CCNC: variants seen among roughly 807,000 people sequenced by gnomAD.
CCNC encodes the protein cyclin C.
A neutral mutation model predicts 50.0 loss-of-function variants in CCNC; 19 were observed. That is an observed-to-expected ratio of 0.38 (90% CI 0.27 to 0.56). The LOEUF is 0.56. Ranked by LOEUF, CCNC falls within the 20% of genes least tolerant of loss-of-function variation. The probability of loss-of-function intolerance (pLI) is 0.72; values close to 1 mark genes in which losing one functional copy is unlikely to be tolerated. For missense variants in CCNC, 200 were observed against 327.1 expected (o/e 0.61, Z 3.00); for synonymous variants, 93 against 103.7 (o/e 0.90, Z 0.63).
At chr6:99,568,748 C>T (rs1769273047), upstream of CCNC, 1 of 1,385,110 alleles carries the variant, frequency 7.2e-7, no homozygotes, top group African/African-American at 1.5e-5. Context: ...GACAAAAGTT[C>T]CGGCCCGCGG....
At chr6:99,556,785 G>A (rs1802529095) in intron 5 of CCNC, among the ~76,000 whole-genome samples, 1 of 152,204 alleles carries the variant, frequency 6.6e-6, no homozygotes, top group African/African-American at 2.4e-5. Flanking sequence ...GCCCGGCGTG[G>A]TGGCACACAC....
chr6:99,567,410 C>T (rs576985624), intron 1 of CCNC, among the ~76,000 whole-genome samples: 1 of 113,338 alleles, frequency 8.8e-6, no homozygotes, highest in African/African-American at 3.3e-5. Flanking sequence ...TATATACATA[C>T]ACACACACAC....
chr6:99,544,125 G>C lies in CCNC; in HGVS notation c.798-516C>G, dbSNP rs1801981081. 2.1e-6 allele frequency: 3 copies of C among 1,456,558 alleles called. No homozygotes were observed. In the Admixed American group the frequency reaches 7.1e-5, roughly 35 times the overall value. The allele number at this position is 1,456,558 out of a possible 1,614,324, so 90.2% of individuals were successfully genotyped here. A position where few individuals can be genotyped will look rare whatever the true frequency, so the allele number is the denominator to read the frequency against. ...ATATGGTAATTTCCTGGAAAATGCTGAATACTTAAAATAAAAATGCTGAAT... is the reference window on the plus strand; with the variant it reads ...ATATGGTAATTTCCTGGAAAATGCTCAATACTTAAAATAAAAATGCTGAAT... On this transcript the variant is annotated intron_variant, in intron 11 of 11. Coordinates refer to ENST00000520429, the MANE Select transcript of CCNC (RefSeq NM_005190.4).
At chr6:99,555,530 T>C (rs1472742109) in intron 5 of CCNC, among the ~76,000 whole-genome samples, 1 of 149,762 alleles carries the variant, frequency 6.7e-6, no homozygotes, top group Non-Finnish European at 1.5e-5. Context: ...CTTGAACTCC[T>C]GGGCTTAGGC....
intron 4 of CCNC, among the ~76,000 whole-genome samples, chr6:99,560,211 G>C (rs1016021015): frequency 1.3e-5 from 2 of 152,038 alleles, no homozygotes; most frequent in East Asian, 3.9e-4. Context: ...GTGCTTAAGA[G>C]ACTTTAAATT....
At chr6:99,568,752 C>T, upstream of CCNC, 1 of 1,380,944 alleles carries the variant, frequency 7.2e-7, no homozygotes, top group South Asian at 1.6e-5. Context: ...AAAGTTCCGG[C>T]CCGCGGTAGC....
At chr6:99,555,019 T>G (rs183926145) in intron 5 of CCNC, among the ~76,000 whole-genome samples, 2 of 152,352 alleles carry the variant, frequency 1.3e-5, no homozygotes, top group African/African-American at 4.8e-5. Flanking sequence ...AAATTCCCGC[T>G]CCAACAATGA....
chr6:99,544,014 CAAA>C (rs58452257), intron 11 of CCNC: 450,246 of 1,018,122 alleles, frequency 0.44, 66,558 homozygotes, highest in African/African-American at 0.78. Flanking sequence ...AAGTGTTCTT[CAAA>C]AAAAAAAAAA....
At chr6:99,547,487 A>C (rs906935945) in intron 9 of CCNC, among the ~76,000 whole-genome samples, 1 of 127,122 alleles carries the variant, frequency 7.9e-6, no homozygotes, top group African/African-American at 2.7e-5. Flanking sequence ...CAAGTCTTAC[A>C]AAAAAAAAAA....
At chr6:99,545,089 A>C in intron 11 of CCNC, 23 bp downstream of exon 11, 1 of 1,076,754 alleles carries the variant, frequency 9.3e-7, no homozygotes, top group Non-Finnish European at 1.4e-6. Flanking sequence ...AAATGACATC[A>C]ATAATTAAAG....
intron 10 of CCNC, among the ~76,000 whole-genome samples, 156 bp from the exon 11 acceptor site, chr6:99,545,386 GTTTAGGA>G (rs2128866952): frequency 6.6e-6 from 1 of 152,274 alleles, no homozygotes; most frequent in African/African-American, 2.4e-5. Flanking sequence ...CCACAGTGCT[GTTTAGGA>G]TTTTCCTTCT....
intron 5 of CCNC, 116 bp downstream of exon 5, chr6:99,558,381 A>G: frequency 6.8e-7 from 1 of 1,480,250 alleles, no homozygotes; most frequent in Non-Finnish European, 9.0e-7. Context: ...TCCTCAGGAA[A>G]TTTAATAAAG....
chr6:99,555,204 T>C (rs939451792), intron 5 of CCNC, among the ~76,000 whole-genome samples: 2 of 152,198 alleles, frequency 1.3e-5, no homozygotes, highest in Non-Finnish European at 2.9e-5. Context: ...CTTAATCATT[T>C]CCAAAGCTAC....
intron 4 of CCNC, among the ~76,000 whole-genome samples, chr6:99,559,626 A>T (rs1802686858): frequency 6.8e-6 from 1 of 147,232 alleles, no homozygotes; most frequent in Non-Finnish European, 1.5e-5. Context: ...AACTAGAGAA[A>T]ATACAGAAAG....
At chr6:99,544,512 C>T (rs540325172) in intron 11 of CCNC, among the ~76,000 whole-genome samples, 1 of 152,182 alleles carries the variant, frequency 6.6e-6, no homozygotes, top group South Asian at 2.1e-4. Context: ...GGGCTGAGAA[C>T]CACTGAACTA....
chr6:99,560,180 T>C (rs1802718642), intron 4 of CCNC, among the ~76,000 whole-genome samples: 1 of 152,242 alleles, frequency 6.6e-6, no homozygotes, highest in African/African-American at 2.4e-5. Flanking sequence ...AGATTTTTTG[T>C]CTTGGTCCTC....
At chr6:99,567,124 T>G in intron 1 of CCNC, 1 of 223,674 alleles carries the variant, frequency 4.5e-6, no homozygotes, top group Non-Finnish European at 9.1e-6. Flanking sequence ...AAAACATATT[T>G]TTAGAATGCT....
Position 99,549,574 on chromosome 6 carries a change from T to G in CCNC, c.532A>C (p.Arg178=), listed in dbSNP as rs147222511. ...QEDMLLPLAW[R]IVNDTYRTDL... Reference sequence around the variant, plus strand: ...GTTCTGTAGGTATCATTCACTATCCTCCTATAGAAATGTAAATCATATTAT... The same window carrying G: ...GTTCTGTAGGTATCATTCACTATCCGCCTATAGAAATGTAAATCATATTAT... The change falls in exon 9 of 12, where the codon AGG becomes CGG. Residue 178 remains arginine (R), a splice_region_variant and synonymous_variant. Transcript: ENST00000520429. The G allele has an allele frequency of 1.3e-4, 208 of 1,578,954 alleles. No individual in the cohort carries two copies. In the African/African-American group the frequency reaches 2.5e-3, roughly 19 times the overall value.
At position 99,550,984 on chromosome 6, in the gene CCNC, T is replaced by C; in HGVS notation, c.438+9A>G. 9.8e-7 allele frequency: 1 copy of C among 1,025,554 alleles called. No individual in the cohort carries two copies. The allele number at this position is 1,025,554 out of a possible 1,614,324, so 63.5% of individuals were successfully genotyped here. A position where few individuals can be genotyped will look rare whatever the true frequency, so the allele number is the denominator to read the frequency against. On this transcript the variant is annotated intron_variant, in intron 7 of 11. Transcript: ENST00000520429. ...GTTTTAATCTATTAATCACAGAAGA[T>C]TTACTTACCATTAGTTCTAACAGAT...
Sources: allele counts gnomAD v4.1 joint callset (sites outside exome capture counted in the v4.1 genomes callset), GRCh38; gene constraint gnomAD v4.1.1; transcripts MANE v1.5; gene names NCBI Gene and HGNC (gene_info 2026-07-23, HGNC 2026-07-21).